Variants in CTNNA3 observed in about 807,000 individuals in gnomAD.
CTNNA3 encodes catenin alpha-3.
In CTNNA3, 76 loss-of-function variants were observed where a neutral mutation model predicts 95.7. The ratio of observed to expected loss-of-function variants is 0.79; its 90% CI spans 0.66 to 0.96. The LOEUF (loss-of-function observed/expected upper bound fraction) is 0.96. Among genes scored for constraint, CTNNA3 ranks in the 40% least tolerant of loss-of-function variants. CTNNA3 has a pLI of 0.00. For synonymous variants in CTNNA3, 431 were observed against 374.4 expected (o/e 1.15, Z -1.74); for missense variants, 1,191 against 1,089.8 (o/e 1.09, Z -1.31).
intron 9 of CTNNA3, among the ~76,000 whole-genome samples, chr10:66,729,539 G>T (rs776809955): frequency 4.6e-5 from 7 of 152,212 alleles, no homozygotes; most frequent in Non-Finnish European, 8.8e-5. Context: ...AGTAACTCAG[G>T]AATGGAAAAC....
intron 9 of CTNNA3, among the ~76,000 whole-genome samples, chr10:66,751,041 G>C (rs141751702): frequency 6.6e-6 from 1 of 152,044 alleles, no homozygotes; most frequent in Non-Finnish European, 1.5e-5. Flanking sequence ...AGGCCAAGGC[G>C]GGCGGATCAC....
intron 7 of CTNNA3, among the ~76,000 whole-genome samples, chr10:66,852,994 T>C (rs561306298): frequency 6.6e-6 from 1 of 152,316 alleles, no homozygotes; most frequent in Admixed American, 6.5e-5. Flanking sequence ...CCAATTATGT[T>C]TGACCATGTC....
At position 66,520,770 on chromosome 10, in the gene CTNNA3, T is replaced by G; in HGVS notation, c.1378A>C (p.Ile460Leu). ...GCAGCCAAAGCAAGTGCAGCATTAA[T>G]AATCTATAAAGATAAGGATTGAAAA... ...NHLETLCPQI[I>L]NAALALAARP... Residue 460 changes from isoleucine to leucine, a missense_variant, in exon 11 of 18, where the codon ATT becomes CTT. Ile to Leu is a conservative substitution (Grantham distance 5, BLOSUM62 2). Coordinates refer to ENST00000433211, the MANE Select transcript of CTNNA3 (RefSeq NM_013266.4). 6.2e-7 allele frequency: 1 copy of G among 1,612,080 alleles called. No individual in the cohort carries two copies. The highest frequency in any genetic ancestry group is 8.5e-7 in the Non-Finnish European group (1 of 1,178,986).
At chr10:66,486,555 A>G (rs1201256771) in intron 11 of CTNNA3, among the ~76,000 whole-genome samples, 1 of 152,192 alleles carries the variant, frequency 6.6e-6, no homozygotes, top group Non-Finnish European at 1.5e-5. Context: ...AGTATGGGCA[A>G]GGCCATGGAA....
chr10:66,357,257 A>T (rs925592808), intron 12 of CTNNA3, among the ~76,000 whole-genome samples: 1 of 152,098 alleles, frequency 6.6e-6, no homozygotes, highest in Non-Finnish European at 1.5e-5. Context: ...AAGCATTTAA[A>T]CTGCCAATTT....
chr10:67,560,081 G>T (rs1841441572), intron 3 of CTNNA3, among the ~76,000 whole-genome samples: 1 of 152,100 alleles, frequency 6.6e-6, no homozygotes, highest in Admixed American at 6.6e-5. Context: ...TTATCCAGGA[G>T]AACTTCCCCA....
chr10:66,673,453 AC>A (rs1308836237), intron 9 of CTNNA3, among the ~76,000 whole-genome samples: 2 of 152,116 alleles, frequency 1.3e-5, no homozygotes, highest in African/African-American at 4.8e-5. Context: ...GAAATCGTCT[AC>A]ATTACAACAT....
chr10:67,574,997 A>G (rs549548885), intron 3 of CTNNA3, among the ~76,000 whole-genome samples: 1 of 152,274 alleles, frequency 6.6e-6, no homozygotes, highest in African/African-American at 2.4e-5. Context: ...CTGTGACTCT[A>G]TACATTTTAT....
intron 9 of CTNNA3, among the ~76,000 whole-genome samples, chr10:66,730,739 T>G (rs181317786): frequency 2.6e-3 from 395 of 152,300 alleles, no homozygotes; most frequent in Middle Eastern, 6.8e-3. Context: ...GAATAAGACC[T>G]TGAGTGACTA....
intron 5 of CTNNA3, among the ~76,000 whole-genome samples, chr10:67,245,245 A>G (rs1375028923): frequency 6.6e-6 from 1 of 152,144 alleles, no homozygotes; most frequent in Non-Finnish European, 1.5e-5. Context: ...GTCTTTCCTC[A>G]AAAATAAACT....
intron 1 of CTNNA3, chr10:67,751,027 T>C: frequency 6.5e-7 from 1 of 1,541,796 alleles, no homozygotes; most frequent in South Asian, 1.1e-5. Context: ...GCCCAGGTTC[T>C]GATCCATTTC....
chr10:66,698,015 T>C (rs1448526101), intron 9 of CTNNA3, among the ~76,000 whole-genome samples: 1 of 152,094 alleles, frequency 6.6e-6, no homozygotes, highest in African/African-American at 2.4e-5. Context: ...ACAGGCCTTC[T>C]GAACAAGAAA....
At chr10:66,726,068 G>A (rs1318545770) in intron 9 of CTNNA3, among the ~76,000 whole-genome samples, 1 of 152,010 alleles carries the variant, frequency 6.6e-6, no homozygotes. Context: ...TTACTAAATT[G>A]TAATGAGTAA....
At chr10:66,866,674 A>G (rs1844191433) in intron 7 of CTNNA3, among the ~76,000 whole-genome samples, 1 of 152,228 alleles carries the variant, frequency 6.6e-6, no homozygotes, top group African/African-American at 2.4e-5. Flanking sequence ...GGTAGGAGCC[A>G]CGAGGTATTA....
chr10:67,146,414 G>A (rs10822985), intron 7 of CTNNA3, among the ~76,000 whole-genome samples: 74,407 of 151,936 alleles, frequency 0.49, 18,393 homozygotes, highest in Middle Eastern at 0.64. Flanking sequence ...GAGCATACTC[G>A]TATTCTCCTT....
chr10:66,185,908 A>G (rs948492348), intron 13 of CTNNA3, among the ~76,000 whole-genome samples: 3 of 151,916 alleles, frequency 2.0e-5, no homozygotes, highest in Non-Finnish European at 4.4e-5. Flanking sequence ...ATACACAAAC[A>G]TCTCTCTCTC....
chr10:66,461,457 T>C (rs1329866766), intron 11 of CTNNA3, among the ~76,000 whole-genome samples: 1 of 152,034 alleles, frequency 6.6e-6, no homozygotes, highest in Non-Finnish European at 1.5e-5. Flanking sequence ...TGTTTCTGAG[T>C]GATTAGGTAA....
intron 5 of CTNNA3, among the ~76,000 whole-genome samples, chr10:67,513,001 A>T (rs1839689439): frequency 6.6e-6 from 1 of 152,172 alleles, no homozygotes; most frequent in Non-Finnish European, 1.5e-5. Flanking sequence ...ATAAATAAAT[A>T]TTTAAAAATT....
chr10:66,163,550 A>G (rs1332278491), intron 13 of CTNNA3, among the ~76,000 whole-genome samples: 2 of 152,176 alleles, frequency 1.3e-5, no homozygotes, highest in East Asian at 3.9e-4. Context: ...GGACACTCAC[A>G]GTATTTGCAG....
Sources: allele counts gnomAD v4.1 joint callset (sites outside exome capture counted in the v4.1 genomes callset), GRCh38; gene constraint gnomAD v4.1.1; transcripts MANE v1.5; gene names NCBI Gene and HGNC (gene_info 2026-07-23, HGNC 2026-07-21).